TMPRSS11E: variants seen among roughly 807,000 people sequenced by gnomAD.
The protein encoded by TMPRSS11E is transmembrane protease serine 11E.
TMPRSS11E carries 38 observed loss-of-function variants against 48.1 expected under a neutral mutation model. The ratio of observed to expected loss-of-function variants is 0.79; its 90% CI spans 0.61 to 1.04. TMPRSS11E has a LOEUF of 1.04. TMPRSS11E is among the 50% of genes least tolerant of loss of function. TMPRSS11E has a pLI of 0.00. For synonymous variants in TMPRSS11E, 158 were observed against 171.9 expected, an observed-to-expected ratio of 0.92 and a Z score of 0.63; for missense variants, 530 against 510.8, an observed-to-expected ratio of 1.04 and a Z score of -0.36.
chr4:68,466,471 CTGAGA>C (rs1164574646), intron 2 of TMPRSS11E, among the ~76,000 whole-genome samples, 155 bp from the exon 3 acceptor site: 3 of 152,038 alleles, frequency 2.0e-5, no homozygotes, highest in Non-Finnish European at 4.4e-5. Flanking sequence ...GTTTTTTATC[CTGAGA>C]TAACTATGAG....
intron 9 of TMPRSS11E, 36 bp from the exon 10 acceptor site, chr4:68,496,607 G>A: frequency 1.3e-6 from 2 of 1,589,086 alleles, no homozygotes; most frequent in African/African-American, 1.4e-5. Flanking sequence ...GTAATGAACT[G>A]AATTATGAAT....
chr4:68,458,300 A>G (rs779390580), intron 1 of TMPRSS11E, among the ~76,000 whole-genome samples: 3 of 152,166 alleles, frequency 2.0e-5, no homozygotes, highest in Non-Finnish European at 4.4e-5. Context: ...ATAAGCAATA[A>G]TAATAATGCA....
chr4:68,496,906 G>C lies in TMPRSS11E; in HGVS notation c.*102G>C. 1 of 1,154,788 alleles carries C rather than the reference G, an allele frequency of 8.7e-7. No individual in the cohort carries two copies. Among genetic ancestry groups the C allele is most frequent in the Non-Finnish European group, 1.2e-6 (1 of 804,184 alleles). 71.5% of individuals were successfully genotyped at this position (1,154,788 alleles called of 1,614,324 possible). ...TTGGAGAAGACTTGCAAAACAGCTA[G>C]ATTTGACTGATCTCAATAAACTGTT... On this transcript the variant is annotated 3_prime_UTR_variant, in exon 10 of 10. Transcript: ENST00000305363.
chr4:68,492,468 A>G (rs1338791611), intron 9 of TMPRSS11E, among the ~76,000 whole-genome samples: 1 of 152,066 alleles, frequency 6.6e-6, no homozygotes, highest in African/African-American at 2.4e-5. Context: ...ATAGTGCTAC[A>G]TTTTTCACAT....
chr4:68,475,723 T>C (rs1729193857), intron 6 of TMPRSS11E, among the ~76,000 whole-genome samples: 1 of 152,162 alleles, frequency 6.6e-6, no homozygotes, highest in African/African-American at 2.4e-5. Context: ...CATGCCCCAC[T>C]GTGGCATTTT....
chr4:68,478,978 CAG>C lies in TMPRSS11E; in HGVS notation c.1099_1100del (p.Asp367CysfsTer5), dbSNP rs763566739. 6.2e-7 allele frequency: 1 copy of C among 1,613,638 alleles called. No homozygotes were observed. Among genetic ancestry groups the C allele is most frequent in the Non-Finnish European group, 8.5e-7 (1 of 1,179,852 alleles). ...TGTGCTGGCTCCTTAGAAGGAAAAA[CAG>C]ATGCATGCCAGGTAAACAGTTTTGC... On this transcript the variant is annotated frameshift_variant, in exon 9 of 10. Coordinates refer to ENST00000305363, the MANE Select transcript of TMPRSS11E (RefSeq NM_014058.4). LOFTEE classifies it high-confidence loss of function.
chr4:68,452,587 T>G (rs1728529021), intron 1 of TMPRSS11E, among the ~76,000 whole-genome samples: 1 of 151,962 alleles, frequency 6.6e-6, no homozygotes, highest in Non-Finnish European at 1.5e-5. Context: ...TGTTCTCACA[T>G]CAGCCCTGTG....
At chr4:68,476,790 G>T (rs1361411157) in intron 7 of TMPRSS11E, among the ~76,000 whole-genome samples, 1 of 152,108 alleles carries the variant, frequency 6.6e-6, no homozygotes, top group Non-Finnish European at 1.5e-5. Context: ...TTGTAGGTTT[G>T]ATCCTAAGGG....
intron 8 of TMPRSS11E, among the ~76,000 whole-genome samples, chr4:68,477,904 A>C (rs144235309): frequency 6.6e-6 from 1 of 152,250 alleles, no homozygotes; most frequent in Non-Finnish European, 1.5e-5. Flanking sequence ...CTTTCTTTAG[A>C]GAATTAACCA....
intron 2 of TMPRSS11E, among the ~76,000 whole-genome samples, chr4:68,464,990 T>C (rs994291246): frequency 2.0e-5 from 3 of 152,100 alleles, no homozygotes; most frequent in Admixed American, 1.3e-4. Flanking sequence ...CCACAGAGAG[T>C]TATAGTTAAC....
intron 1 of TMPRSS11E, among the ~76,000 whole-genome samples, chr4:68,455,447 T>C (rs1468509592): frequency 6.6e-6 from 1 of 151,954 alleles, no homozygotes; most frequent in African/African-American, 2.4e-5. Context: ...TGGAGTATGC[T>C]CTCAGATTTC....
At chr4:68,460,943 C>T (rs188079452) in intron 1 of TMPRSS11E, among the ~76,000 whole-genome samples, 13 of 151,508 alleles carry the variant, frequency 8.6e-5, no homozygotes, top group African/African-American at 2.7e-4. Context: ...TGCAGTGGCC[C>T]GATCTTAGCT....
At chr4:68,464,900 T>C (rs1728886664) in intron 2 of TMPRSS11E, among the ~76,000 whole-genome samples, 2 of 152,224 alleles carry the variant, frequency 1.3e-5, no homozygotes, top group Admixed American at 6.5e-5. Context: ...TGTACCAGAA[T>C]GTGCATTTTA....
chr4:68,477,484 G>C lies in TMPRSS11E; in HGVS notation c.823G>C (p.Asp275His), dbSNP rs1729257247. 6.2e-7 allele frequency: 1 copy of C among 1,613,944 alleles called. No homozygotes were observed. The highest frequency in any genetic ancestry group is 8.5e-7 in the Non-Finnish European group (1 of 1,179,972). ...VHEKYKHPSH[D>H]YDISLAELSS... ...TGAAAAATACAAACACCCATCACAT[G>C]ACTATGATATTTCTCTTGCAGAGCT... Residue 275 changes from aspartate (D) to histidine (H), a missense_variant, in exon 8 of 10, where the codon GAC (aspartate) becomes CAC (histidine). Asp to His is a moderately conservative substitution (Grantham distance 81, BLOSUM62 -1). Transcript: ENST00000305363.
At chr4:68,453,368 G>A (rs1170148111) in intron 1 of TMPRSS11E, among the ~76,000 whole-genome samples, 1 of 151,768 alleles carries the variant, frequency 6.6e-6, no homozygotes, top group Non-Finnish European at 1.5e-5. Context: ...CAGGCAGTTA[G>A]GACTAATCCC....
intron 1 of TMPRSS11E, among the ~76,000 whole-genome samples, chr4:68,450,743 T>C (rs1418093011): frequency 6.6e-6 from 1 of 151,966 alleles, no homozygotes; most frequent in Non-Finnish European, 1.5e-5. Flanking sequence ...ACAACCGACT[T>C]TGTATTTAAA....
intron 7 of TMPRSS11E, 65 bp downstream of exon 7, chr4:68,476,503 A>G: frequency 6.7e-7 from 1 of 1,484,952 alleles, no homozygotes; most frequent in Non-Finnish European, 9.1e-7. Context: ...GCAAGAAAAT[A>G]CCTCATGAAT....
Position 68,496,664 on chromosome 4 carries a change from G to C in TMPRSS11E, c.1132G>C (p.Val378Leu). The C allele has an allele frequency of 6.2e-7, 1 of 1,613,188 alleles. No individual in the cohort carries two copies. The highest frequency in any genetic ancestry group is 8.5e-7 in the Non-Finnish European group (1 of 1,179,476). The change falls in exon 10 of 10, where the codon GTT (valine) becomes CTT (leucine). Residue 378 changes from valine to leucine, a missense_variant. Coordinates refer to ENST00000305363, the MANE Select transcript of TMPRSS11E (RefSeq NM_014058.4). ...ACQGDSGGPL[V>L]SSDARDIWYL... ...TTAGGGTGACTCTGGAGGACCACTG[G>C]TTAGTTCAGATGCTAGAGATATCTG...
chr4:68,496,849 T>C lies in TMPRSS11E; in HGVS notation c.*45T>C. 6.4e-7 allele frequency: 1 copy of C among 1,562,014 alleles called. No homozygotes were observed. The highest frequency in any genetic ancestry group is 8.6e-7 in the Non-Finnish European group (1 of 1,156,988). ...ACAGATAACATTTTTTTTTGTTTTTTGGGTGTGGAGGCCATTTTTAGAGAT... is the reference window on the plus strand; with the variant it reads ...ACAGATAACATTTTTTTTTGTTTTTCGGGTGTGGAGGCCATTTTTAGAGAT... On this transcript the variant is annotated 3_prime_UTR_variant, in exon 10 of 10. Transcript: ENST00000305363.
Sources: gnomAD v4.1 joint callset for allele counts (sites outside exome capture counted in the v4.1 genomes callset) on GRCh38, gnomAD v4.1.1 for gene constraint, MANE v1.5 for transcripts, NCBI Gene and HGNC (gene_info 2026-07-23, HGNC 2026-07-21) for gene names.